MINAR1: variants seen among roughly 807,000 people sequenced by gnomAD.
The protein encoded by MINAR1 is membrane integral NOTCH2 associated receptor 1.
Under a neutral mutation model 65.1 loss-of-function variants are expected in MINAR1, and 40 were observed. The ratio of observed to expected loss-of-function variants is 0.61; its 90% confidence interval spans 0.48 to 0.80. MINAR1 has a LOEUF of 0.80. MINAR1 is among the 30% of genes least tolerant of loss of function. MINAR1 has a pLI of 0.00. For synonymous variants in MINAR1, 482 were observed against 449.1 expected (o/e 1.07, Z -0.93); for missense variants, 1,128 against 1,148.0 (o/e 0.98, Z 0.25).
At chr15:79,445,561 T>TTC (rs1289879144) in intron 1 of MINAR1, among the ~76,000 whole-genome samples, 1 of 151,766 alleles carries the variant, frequency 6.6e-6, no homozygotes, top group Non-Finnish European at 1.5e-5. Context: ...TTTTTTTTTT[T>TTC]TTTTGAGACG....
intron 1 of MINAR1, among the ~76,000 whole-genome samples, chr15:79,450,020 T>C (rs1003226997): frequency 6.6e-6 from 1 of 152,166 alleles, no homozygotes. Flanking sequence ...TCCCCCTTAA[T>C]CGGGTTCCCA....
chr15:79,442,584 A>G (rs1894900843), intron 1 of MINAR1, among the ~76,000 whole-genome samples: 1 of 119,138 alleles, frequency 8.4e-6, no homozygotes, highest in Non-Finnish European at 1.7e-5. Flanking sequence ...GCCTTGCCCC[A>G]TAAAAATGAA....
At position 79,470,592 on chromosome 15, in the gene MINAR1, A is replaced by T. The variant is rs1411203337; in HGVS notation, c.*2208A>T. On this transcript the variant is annotated 3_prime_UTR_variant, in exon 4 of 4. Transcript: ENST00000305428. ...GTGGACCCCATTTGGGCATGTGCCT[A>T]GCTACCTTGGGAAGGCATGACTATA... 1 of 152,190 alleles carries T rather than the reference A, an allele frequency of 6.6e-6. No individual in the cohort carries two copies. The highest frequency in any genetic ancestry group is 1.5e-5 in the Non-Finnish European group (1 of 68,054). The allele number at this position is 152,190 out of a possible 1,614,324, so 9.4% of individuals were successfully genotyped here. A position where few individuals can be genotyped will look rare whatever the true frequency, so the allele number is the denominator to read the frequency against.
At chr15:79,461,566 G>A (rs1895641744) in intron 2 of MINAR1, among the ~76,000 whole-genome samples, 1 of 152,220 alleles carries the variant, frequency 6.6e-6, no homozygotes, top group Non-Finnish European at 1.5e-5. Flanking sequence ...ACTTGGCTTT[G>A]ATGAGTTAGA....
At chr15:79,433,734 C>T (rs1224405648) in intron 1 of MINAR1, among the ~76,000 whole-genome samples, 7 of 152,150 alleles carry the variant, frequency 4.6e-5, no homozygotes, top group Non-Finnish European at 1.0e-4. Flanking sequence ...TGGAGAGGGA[C>T]GGTAAATGGC....
At chr15:79,460,053 G>A (rs192990969) in intron 2 of MINAR1, among the ~76,000 whole-genome samples, 61 of 152,344 alleles carry the variant, frequency 4.0e-4, no homozygotes, top group African/African-American at 1.3e-3. Flanking sequence ...CCTATCAAAT[G>A]TCAAAGCTTC....
the MINAR1 span, chr15:79,413,427 C>A: frequency 6.6e-6 from 1 of 152,192 alleles, no homozygotes; most frequent in East Asian, 1.9e-4. Context: ...GGGGTTGCTC[C>A]TCCATGGAAA....
rs3750004 is a variant in MINAR1, at chr15:79,468,889, T to C, written c.*505T>C. 1,734 of 161,954 alleles carry C rather than the reference T, an allele frequency of 0.011. 185 individuals are homozygous for C. The East Asian group carries it at 0.24, about 23-fold the overall frequency. The allele number at this position is 161,954 out of a possible 1,614,324, so 10.0% of individuals were successfully genotyped here. A position where few individuals can be genotyped will look rare whatever the true frequency, so the allele number is the denominator to read the frequency against. On this transcript the variant is annotated 3_prime_UTR_variant, in exon 4 of 4. Coordinates refer to ENST00000305428, the MANE Select transcript of MINAR1 (RefSeq NM_015206.3). ...GTGTCCCTAAAGGGTATTACTTCTC[T>C]GTCGACTTTTATCAAGGGCTACTGA...
At chr15:79,416,532 C>T in the MINAR1 span, 4 of 152,154 alleles carry the variant, frequency 2.6e-5, no homozygotes, top group Non-Finnish European at 5.9e-5. Context: ...TCTGATGGGG[C>T]CATTTTCTTC....
chr15:79,437,760 TGGG>T (rs1232431120), intron 1 of MINAR1, among the ~76,000 whole-genome samples: 1 of 34,670 alleles, frequency 2.9e-5, no homozygotes. Context: ...AGGTAGTGTG[TGGG>T]GTGTGAGTGG....
At chr15:79,431,877 C>T (rs1353478832), upstream of MINAR1, among the ~76,000 whole-genome samples, 1 of 152,210 alleles carries the variant, frequency 6.6e-6, no homozygotes, top group Admixed American at 6.5e-5. Flanking sequence ...TCCCGGGGCT[C>T]CGGCGGCGCT....
the MINAR1 span, chr15:79,422,549 C>CAAAA: frequency 1.3e-5 from 1 of 76,970 alleles, no homozygotes; most frequent in African/African-American, 4.9e-5. Flanking sequence ...ACTCTGTCTC[C>CAAAA]AAAAAAAAAA....
At chr15:79,452,456 G>A (rs1483115127) in intron 1 of MINAR1, among the ~76,000 whole-genome samples, 2 of 151,780 alleles carry the variant, frequency 1.3e-5, no homozygotes, top group East Asian at 3.9e-4. Flanking sequence ...GTGTGTGGGT[G>A]TGAGTCTGGG....
chr15:79,425,038 G>GT, the MINAR1 span: 49,934 of 147,730 alleles, frequency 0.34, 9,867 homozygotes, highest in Middle Eastern at 0.48. Flanking sequence ...GTTTGTTTGT[G>GT]TTTTTTTTTT....
At chr15:79,432,247 G>A (rs1432764490), upstream of MINAR1, among the ~76,000 whole-genome samples, 8 of 152,106 alleles carry the variant, frequency 5.3e-5, no homozygotes, top group South Asian at 2.1e-4. Context: ...AGAGGAGTCC[G>A]AGCGCCCCCT....
intron 1 of MINAR1, among the ~76,000 whole-genome samples, chr15:79,450,215 G>T (rs1046134874): frequency 6.6e-6 from 1 of 152,146 alleles, no homozygotes; most frequent in African/African-American, 2.4e-5. Flanking sequence ...AAAATGAAGG[G>T]TTAGGCTGGA....
At chr15:79,451,125 C>T (rs1042303809) in intron 1 of MINAR1, among the ~76,000 whole-genome samples, 7 of 152,128 alleles carry the variant, frequency 4.6e-5, no homozygotes, top group South Asian at 2.1e-4. Context: ...CTCATCCCTC[C>T]GACTTATTAA....
Position 79,456,635 on chromosome 15 carries a change from G to C in MINAR1, c.488G>C (p.Cys163Ser). ...TCGTCCAAGTGCCGGAAGATGGACT[G>C]CAAGGACTGCCCACAGTTTGTCCCT... The part of the protein sequence containing the change: ...RQSSKCRKMD[C>S]KDCPQFVPAS... Residue 163 changes from cysteine (C) to serine (S), a missense_variant, in exon 2 of 4, where the codon TGC (cysteine) becomes TCC (serine). Physicochemically the swap from Cys to Ser is moderately radical, Grantham distance 112. Coordinates refer to ENST00000305428, the MANE Select transcript of MINAR1 (RefSeq NM_015206.3). The C allele has an allele frequency of 4.3e-6, 7 of 1,614,168 alleles. No individual in the cohort carries two copies. Among genetic ancestry groups the C allele is most frequent in the Non-Finnish European group, 5.9e-6 (7 of 1,180,034 alleles).
chr15:79,429,548 A>G (rs1478327168), upstream of MINAR1, among the ~76,000 whole-genome samples: 1 of 152,252 alleles, frequency 6.6e-6, no homozygotes, highest in Non-Finnish European at 1.5e-5. Flanking sequence ...GAGGCTGGAT[A>G]GTTTCTGGAT....
Sources: allele counts gnomAD v4.1 joint callset (sites outside exome capture counted in the v4.1 genomes callset), GRCh38; gene constraint gnomAD v4.1.1; transcripts MANE v1.5; gene names NCBI Gene and HGNC (gene_info 2026-07-23, HGNC 2026-07-21).